The following ARHGAP5 variants were observed in gnomAD, a reference collection of about 807,000 sequenced individuals.
ARHGAP5 encodes rho GTPase-activating protein 5.
In ARHGAP5, 23 loss-of-function variants were observed where a neutral mutation model predicts 116.6. The observed-to-expected ratio is 0.20, with a 90% CI of 0.14 to 0.28. The LOEUF (loss-of-function observed/expected upper bound fraction) is 0.28, where lower values mean the gene tolerates loss of function less well. ARHGAP5 is among the 10% of genes least tolerant of loss of function. The probability of loss-of-function intolerance (pLI) is 1.00; values close to 1 mark genes in which losing one functional copy is unlikely to be tolerated. For missense variants in ARHGAP5, 1,405 were observed against 1,774.8 expected, an observed-to-expected ratio of 0.79 and a Z score of 3.74; for synonymous variants, 574 against 602.0, an observed-to-expected ratio of 0.95 and a Z score of 0.68.
Position 32,091,461 on chromosome 14 carries a change from A to G in ARHGAP5, c.792A>G (p.Thr264=), listed in dbSNP as rs777576681. 2 of 1,612,968 alleles carry G rather than the reference A, an allele frequency of 1.2e-6. No homozygotes were observed. Among genetic ancestry groups the G allele is most frequent in the South Asian group, 1.1e-5 (1 of 90,806 alleles). ...TTCCCTATTTGGATGCTTATAAAACACAGAGACAACTTGTTGTCACAGCAA... is the reference window on the plus strand; with the variant it reads ...TTCCCTATTTGGATGCTTATAAAACGCAGAGACAACTTGTTGTCACAGCAA... The part of the protein sequence containing the change: ...KIIPYLDAYK[T]QRQLVVTATD... Residue 264 remains threonine, a synonymous_variant, in exon 2 of 7, where the codon ACA becomes ACG. Transcript: ENST00000345122.
chr14:32,151,865 TA>T (rs1166770399), intron 5 of ARHGAP5, among the ~76,000 whole-genome samples: 1 of 152,224 alleles, frequency 6.6e-6, no homozygotes, highest in Non-Finnish European at 1.5e-5. Context: ...GCTTTCCTTA[TA>T]AAAAGGCTAT....
rs191973080 is a variant in ARHGAP5, at chr14:32,084,374, G to A, written c.-168-6128G>A. Among the ~76,000 whole-genome samples, 126 of 152,090 alleles carry A rather than the reference G, an allele frequency of 8.3e-4. 1 individual carries two copies. The highest frequency in any genetic ancestry group is 8.1e-3 in the Admixed American group (123 of 15,278). On this transcript the variant is annotated intron_variant, in intron 1 of 6. Transcript: ENST00000345122. ...GTGTTAATGATCACATTATAGTCCT[G>A]GGGAAAAAAACTGGACTTTTTATGT... is the stretch of plus-strand genomic sequence containing the variant.
intron 3 of ARHGAP5, among the ~76,000 whole-genome samples, chr14:32,121,979 C>T (rs1404740830): frequency 2.0e-5 from 3 of 152,142 alleles, no homozygotes; most frequent in African/African-American, 7.2e-5. Context: ...TACTTTTTAA[C>T]TTGTGAAGAG....
chr14:32,090,168 A>C (rs980334464), intron 1 of ARHGAP5, among the ~76,000 whole-genome samples: 2 of 152,000 alleles, frequency 1.3e-5, no homozygotes, highest in Admixed American at 1.3e-4. Flanking sequence ...CAGTGACAGA[A>C]GGCAGGAAAA....
At chr14:32,104,061 CA>C (rs1406632189) in intron 2 of ARHGAP5, among the ~76,000 whole-genome samples, 2 of 151,990 alleles carry the variant, frequency 1.3e-5, no homozygotes, top group African/African-American at 4.8e-5. Flanking sequence ...TGCACATGCA[CA>C]AAATTTTACT....
At chr14:32,126,479 C>T (rs533948129) in intron 3 of ARHGAP5, among the ~76,000 whole-genome samples, 17 of 152,266 alleles carry the variant, frequency 1.1e-4, no homozygotes, top group African/African-American at 4.1e-4. Flanking sequence ...GGACATCAGT[C>T]ATATTGGGTT....
At chr14:32,140,818 T>A (rs1172318790) in intron 3 of ARHGAP5, among the ~76,000 whole-genome samples, 1 of 152,208 alleles carries the variant, frequency 6.6e-6, no homozygotes, top group Non-Finnish European at 1.5e-5. Context: ...TAGAGTGTTC[T>A]GTGTGTTTGT....
intron 3 of ARHGAP5, among the ~76,000 whole-genome samples, chr14:32,129,556 A>AT (rs746145582): frequency 7.7e-4 from 117 of 152,334 alleles, no homozygotes; most frequent in Non-Finnish European, 1.3e-3. Context: ...AAATGGATGA[A>AT]TGAATCTTTG....
At position 32,091,646 on chromosome 14, in the gene ARHGAP5, T is replaced by G. The variant is rs1291939184; in HGVS notation, c.977T>G (p.Leu326Arg). Residue 326 changes from leucine to arginine, a missense_variant, in exon 2 of 7, where the codon CTT becomes CGT. Around this residue, in one of 6 missense-constraint regions of ARHGAP5, gnomAD observed 944 missense variants for 1,095.3 expected, o/e 0.86. Transcript: ENST00000345122. ...RNTFSKHIEQ[L>R]KQEHIRKRRE... ...ACATTCTCAAAACATATAGAACAACTTAAACAGGAACATATAAGAAAAAGG... is the reference window on the plus strand; with the variant it reads ...ACATTCTCAAAACATATAGAACAACGTAAACAGGAACATATAAGAAAAAGG... 2 of 1,611,714 alleles carry G rather than the reference T, an allele frequency of 1.2e-6. No individual in the cohort carries two copies. Among genetic ancestry groups the G allele is most frequent in the East Asian group, 4.5e-5 (2 of 44,822 alleles).
chr14:32,119,486 C>A (rs1879775881), intron 3 of ARHGAP5, among the ~76,000 whole-genome samples: 1 of 152,010 alleles, frequency 6.6e-6, no homozygotes, highest in Non-Finnish European at 1.5e-5. Flanking sequence ...AATTTACATA[C>A]AATAAAATTT....
intron 3 of ARHGAP5, among the ~76,000 whole-genome samples, chr14:32,129,602 A>C (rs964458354): frequency 6.6e-6 from 1 of 152,186 alleles, no homozygotes; most frequent in Non-Finnish European, 1.5e-5. Flanking sequence ...TCCTTAAGTA[A>C]AACCTTTTTG....
At chr14:32,106,692 G>A (rs372897138) in intron 2 of ARHGAP5, among the ~76,000 whole-genome samples, 9 of 152,130 alleles carry the variant, frequency 5.9e-5, no homozygotes, top group African/African-American at 2.2e-4. Context: ...GGCCTTTGCT[G>A]ACCTTTTAAC....
chr14:32,132,732 G>A (rs1176818174), intron 3 of ARHGAP5, among the ~76,000 whole-genome samples: 2 of 152,194 alleles, frequency 1.3e-5, no homozygotes, highest in African/African-American at 4.8e-5. Context: ...TAACATTTAA[G>A]TCTTTAATCC....
rs1382859549 is a variant in ARHGAP5, at chr14:32,116,187, T to C, written c.3718-953T>C. Among the ~76,000 whole-genome samples, 3 of 150,220 alleles carry C rather than the reference T, an allele frequency of 2.0e-5. No homozygotes were observed. The East Asian group carries it at 5.9e-4, about 29-fold the overall frequency. On this transcript the variant is annotated intron_variant, in intron 2 of 6. Coordinates refer to ENST00000345122, the MANE Select transcript of ARHGAP5 (RefSeq NM_001030055.2). ...CTGTAGTCCCAGCTACTCCGGAGGC[T>C]GAGGCAGGAGAATGACGTGAACCTG... is the stretch of plus-strand genomic sequence containing the variant.
chr14:32,147,741 T>G (rs546870786), intron 4 of ARHGAP5, among the ~76,000 whole-genome samples: 97 of 152,336 alleles, frequency 6.4e-4, no homozygotes, highest in South Asian at 1.4e-3. Flanking sequence ...AAATAAAGAT[T>G]TTATGCCTGT....
rs1371657461 is a variant in ARHGAP5 at position 32,094,048 on chromosome 14, A to G, written c.3379A>G (p.Asn1127Asp). The change falls in exon 2 of 7, where the codon AAT becomes GAT. Residue 1127 changes from asparagine to aspartate, a missense_variant. This residue lies in a region of ARHGAP5 where 944 missense variants were observed against 1,095.3 expected (regional missense o/e 0.86). Transcript: ENST00000345122. ...TATTAAAATTCGAAACTCATTTGTAAATAACACCCAAGGAGATGAAGAAAA... is the reference window on the plus strand; with the variant it reads ...TATTAAAATTCGAAACTCATTTGTAGATAACACCCAAGGAGATGAAGAAAA... The part of the protein sequence containing the change: ...NRIKIRNSFV[N>D]NTQGDEENGF... 1 of 1,613,828 alleles carries G rather than the reference A, an allele frequency of 6.2e-7. No homozygotes were observed. Among genetic ancestry groups the G allele is most frequent in the African/African-American group, 1.3e-5 (1 of 74,922 alleles).
intron 2 of ARHGAP5, among the ~76,000 whole-genome samples, chr14:32,112,592 G>A (rs187847788): frequency 2.6e-5 from 4 of 152,226 alleles, no homozygotes; most frequent in Non-Finnish European, 5.9e-5. Context: ...TGGATTTTCG[G>A]TAGGGCGCGG....
chr14:32,111,475 A>G (rs983640681), intron 2 of ARHGAP5, among the ~76,000 whole-genome samples: 1 of 152,212 alleles, frequency 6.6e-6, no homozygotes, highest in Non-Finnish European at 1.5e-5. Context: ...GGTGACCTTA[A>G]TAAGAGCAGA....
intron 5 of ARHGAP5, among the ~76,000 whole-genome samples, chr14:32,151,909 AAT>A (rs377298203): frequency 8.0e-4 from 122 of 152,328 alleles, no homozygotes; most frequent in African/African-American, 2.8e-3. Context: ...AGAAATAGAT[AAT>A]GTTAGTTGAA....
Sources: gnomAD v4.1 joint callset for allele counts (sites outside exome capture counted in the v4.1 genomes callset) on GRCh38, gnomAD v4.1.1 for gene constraint, gnomAD v4.1.1 regional missense constraint, MANE v1.5 for transcripts, NCBI Gene and HGNC (gene_info 2026-07-23, HGNC 2026-07-21) for gene names.